CABCOCO1: variants seen among roughly 807,000 people sequenced by gnomAD.
CABCOCO1 encodes ciliary associated calcium binding coiled-coil 1.
Under a neutral mutation model 35.7 loss-of-function variants are expected in CABCOCO1, and 28 were observed. The ratio of observed to expected loss-of-function variants is 0.78; its 90% CI spans 0.58 to 1.07. The LOEUF is 1.07. CABCOCO1 is among the 50% of genes least tolerant of loss of function. The pLI, the probability that CABCOCO1 is intolerant of heterozygous loss-of-function variation, is 0.00. For missense variants in CABCOCO1, 326 were observed against 309.2 expected (o/e 1.05, Z -0.41); for synonymous variants, 95 against 100.1 (o/e 0.95, Z 0.30).
At chr10:61,756,617 G>T (rs189688141) in intron 5 of CABCOCO1, among the ~76,000 whole-genome samples, 1 of 151,990 alleles carries the variant, frequency 6.6e-6, no homozygotes, top group East Asian at 1.9e-4. Context: ...TATTTAGGGG[G>T]TATTTGAAAG....
chr10:61,691,690 G>A (rs983528368), intron 5 of CABCOCO1, among the ~76,000 whole-genome samples: 3 of 151,450 alleles, frequency 2.0e-5, no homozygotes, highest in Non-Finnish European at 4.4e-5. Context: ...TCCCCTCCCT[G>A]TGCCCATGTG....
At chr10:61,741,745 A>C (rs1222394514) in intron 5 of CABCOCO1, among the ~76,000 whole-genome samples, 1 of 152,250 alleles carries the variant, frequency 6.6e-6, no homozygotes, top group Non-Finnish European at 1.5e-5. Flanking sequence ...CCAAAAAAGT[A>C]GGGTTAAGTG....
chr10:61,743,373 A>C (rs1210632783), intron 5 of CABCOCO1, among the ~76,000 whole-genome samples: 1 of 152,230 alleles, frequency 6.6e-6, no homozygotes, highest in African/African-American at 2.4e-5. Flanking sequence ...TGTAAATCAC[A>C]TTTTAAATTT....
At position 61,721,786 on chromosome 10, in the gene CABCOCO1, T is replaced by A. The variant is rs140765617; in HGVS notation, c.552+31165T>A. Among the ~76,000 whole-genome samples, 63 of 152,272 alleles carry A rather than the reference T, an allele frequency of 4.1e-4. 1 individual carries two copies. In the East Asian group the frequency reaches 0.012, roughly 29 times the overall value. ...ATAGAATTCAGTGTCACAAGCCAGGTTTCCCATTATCAAATGCTACGACAG... is the reference window on the plus strand; with the variant it reads ...ATAGAATTCAGTGTCACAAGCCAGGATTCCCATTATCAAATGCTACGACAG... On this transcript the variant is annotated intron_variant, in intron 5 of 7. Coordinates refer to ENST00000648843, the MANE Select transcript of CABCOCO1 (RefSeq NM_001366906.2).
intron 2 of CABCOCO1, among the ~76,000 whole-genome samples, chr10:61,680,522 A>ATTATATGTTATATTATGTTATATATAAC (rs1216596081): frequency 4.5e-5 from 6 of 133,208 alleles, no homozygotes; most frequent in Non-Finnish European, 9.5e-5. Context: ...TATATAACAT[A>ATTATATGTTATATTATGTTATATATAAC]TTATATGTTA....
chr10:61,733,701 T>G (rs1841354279), intron 5 of CABCOCO1, among the ~76,000 whole-genome samples: 1 of 152,122 alleles, frequency 6.6e-6, no homozygotes, highest in Non-Finnish European at 1.5e-5. Context: ...TAAGAAACAT[T>G]CACAGTTCAG....
chr10:61,686,399 G>T (rs1474086289), intron 4 of CABCOCO1, among the ~76,000 whole-genome samples: 9 of 151,830 alleles, frequency 5.9e-5, no homozygotes, highest in African/African-American at 2.2e-4. Flanking sequence ...GAACAGTTTG[G>T]CTAACTTTGC....
At chr10:61,742,587 C>A (rs1294372009) in intron 5 of CABCOCO1, among the ~76,000 whole-genome samples, 1 of 152,146 alleles carries the variant, frequency 6.6e-6, no homozygotes, top group South Asian at 2.1e-4. Context: ...CCTCTCAGAG[C>A]TTCTTGTTCC....
chr10:61,708,077 C>A (rs1454657373), intron 5 of CABCOCO1, among the ~76,000 whole-genome samples: 1 of 151,678 alleles, frequency 6.6e-6, no homozygotes, highest in African/African-American at 2.4e-5. Flanking sequence ...CTTGGGCATT[C>A]CTCTCTCATT....
At chr10:61,756,615 G>T (rs1481376904) in intron 5 of CABCOCO1, among the ~76,000 whole-genome samples, 3 of 152,016 alleles carry the variant, frequency 2.0e-5, no homozygotes, top group African/African-American at 7.2e-5. Flanking sequence ...ACTATTTAGG[G>T]GGTATTTGAA....
intron 5 of CABCOCO1, among the ~76,000 whole-genome samples, chr10:61,752,750 A>G (rs930186347): frequency 2.0e-5 from 3 of 152,168 alleles, no homozygotes; most frequent in African/African-American, 7.2e-5. Flanking sequence ...TGACTTCTCT[A>G]AAGATTTCAT....
At chr10:61,684,245 T>C (rs909898316) in intron 3 of CABCOCO1, among the ~76,000 whole-genome samples, 20 of 152,218 alleles carry the variant, frequency 1.3e-4, no homozygotes, top group Admixed American at 7.8e-4. Flanking sequence ...AACGAACCAA[T>C]TGTAATTCAT....
chr10:61,732,434 T>C (rs1295412582), intron 5 of CABCOCO1, among the ~76,000 whole-genome samples: 3 of 151,982 alleles, frequency 2.0e-5, no homozygotes, highest in African/African-American at 2.4e-5. Context: ...TTTGTTTCAA[T>C]TGTAAATTCC....
rs111630678 is a variant in CABCOCO1, at chr10:61,764,784, A to G, written c.817-1155A>G. 6.4e-3 allele frequency among the ~76,000 whole-genome samples: 977 copies of G among 152,078 alleles called. 8 individuals are homozygous for G. Among genetic ancestry groups the G allele is most frequent in the African/African-American group, 0.021 (870 of 41,480 alleles). On this transcript the variant is annotated intron_variant, in intron 7 of 7. Coordinates refer to ENST00000648843, the MANE Select transcript of CABCOCO1 (RefSeq NM_001366906.2). Reference sequence around the variant, plus strand: ...AGGTTTACTAAAGCTTGAACCAGAAAAGACTGATACTTATGTGAGTTCTGA... The same window carrying G: ...AGGTTTACTAAAGCTTGAACCAGAAGAGACTGATACTTATGTGAGTTCTGA...
chr10:61,677,811 G>GTTTTTTTT (rs35492889), intron 2 of CABCOCO1, among the ~76,000 whole-genome samples: 213 of 60,208 alleles, frequency 3.5e-3, no homozygotes, highest in Non-Finnish European at 4.0e-3. Flanking sequence ...TTTTTTGGGT[G>GTTTTTTTT]TTTTTTTTTT....
intron 2 of CABCOCO1, among the ~76,000 whole-genome samples, chr10:61,677,997 A>G (rs1484965019): frequency 6.6e-6 from 1 of 151,808 alleles, no homozygotes; most frequent in Non-Finnish European, 1.5e-5. Flanking sequence ...TGTCAGAAGT[A>G]TATTTTTTTA....
intron 5 of CABCOCO1, among the ~76,000 whole-genome samples, chr10:61,697,239 G>T (rs969939612): frequency 1.3e-5 from 2 of 152,002 alleles, no homozygotes; most frequent in Non-Finnish European, 2.9e-5. Context: ...GCTAAAAATT[G>T]CAGAAGGTAA....
At chr10:61,727,802 TG>T (rs746880320) in intron 5 of CABCOCO1, among the ~76,000 whole-genome samples, 24 of 152,320 alleles carry the variant, frequency 1.6e-4, no homozygotes, top group Non-Finnish European at 3.2e-4. Flanking sequence ...AAATGTTCCT[TG>T]AGCTGGAACA....
At chr10:61,698,805 T>C (rs1305096123) in intron 5 of CABCOCO1, among the ~76,000 whole-genome samples, 1 of 152,092 alleles carries the variant, frequency 6.6e-6, no homozygotes, top group Non-Finnish European at 1.5e-5. Flanking sequence ...AAAGTTATAG[T>C]GTCCTGAATA....
Sources: gnomAD v4.1 joint callset for allele counts (sites outside exome capture counted in the v4.1 genomes callset) on GRCh38, gnomAD v4.1.1 for gene constraint, MANE v1.5 for transcripts, NCBI Gene and HGNC (gene_info 2026-07-23, HGNC 2026-07-21) for gene names.